USP24: variants seen among roughly 807,000 people sequenced by gnomAD.
USP24 encodes the protein ubiquitin carboxyl-terminal hydrolase 24.
USP24 carries 97 observed loss-of-function variants against 361.6 expected under a neutral mutation model. That is an observed-to-expected ratio of 0.27 (90% CI 0.23 to 0.32). The LOEUF (loss-of-function observed/expected upper bound fraction) is 0.32, where lower values mean the gene tolerates loss of function less well. Ranked by LOEUF, USP24 falls within the 10% of genes least tolerant of loss-of-function variation. The probability of loss-of-function intolerance (pLI) is 1.00; values close to 1 mark genes in which losing one functional copy is unlikely to be tolerated. For synonymous variants in USP24, 1,098 were observed against 1,124.6 expected, an observed-to-expected ratio of 0.98 and a Z score of 0.47; for missense variants, 2,353 against 3,165.6, an observed-to-expected ratio of 0.74 and a Z score of 6.16.
intron 31 of USP24, 151 bp downstream of exon 31, chr1:55,132,394 G>T: frequency 2.0e-6 from 2 of 1,017,670 alleles, no homozygotes; most frequent in Non-Finnish European, 2.7e-6. Context: ...AGGCAAAAAC[G>T]TTTCAATTTA....
chr1:55,205,633 G>A (rs1644685106), intron 1 of USP24, among the ~76,000 whole-genome samples: 1 of 152,062 alleles, frequency 6.6e-6, no homozygotes. Flanking sequence ...CATTAGCAAA[G>A]TTTTTGAATA....
intron 1 of USP24, among the ~76,000 whole-genome samples, chr1:55,180,310 T>A (rs1242041616): frequency 6.6e-6 from 1 of 152,154 alleles, no homozygotes; most frequent in African/African-American, 2.4e-5. Context: ...TACAGCTTCC[T>A]CCTGGTTCTC....
In USP24 at chr1:55,068,787, C is replaced by T. The variant is rs1644862803; in HGVS notation, c.*258G>A. The stretch of plus-strand genomic sequence containing the variant: ...CTGGCTCTATTTCCGAAAATCTCCA[C>T]AGAAATGTGAATCCACATATAGACC... On this transcript the variant is annotated 3_prime_UTR_variant, in exon 68 of 68. Transcript: ENST00000294383. 4.5e-6 allele frequency: 2 copies of T among 445,538 alleles called. No homozygotes were observed. The highest frequency in any genetic ancestry group is 7.9e-6 in the Non-Finnish European group (2 of 252,876). The allele number at this position is 445,538 out of a possible 1,614,324, so 27.6% of individuals were successfully genotyped here.
intron 1 of USP24, among the ~76,000 whole-genome samples, chr1:55,213,667 C>T (rs1353610405): frequency 6.6e-6 from 1 of 152,212 alleles, no homozygotes; most frequent in East Asian, 1.9e-4. Context: ...CCCAACGAAT[C>T]TGACCAAAAT....
chr1:55,136,582 T>C (rs1182110108), intron 28 of USP24, among the ~76,000 whole-genome samples: 1 of 152,124 alleles, frequency 6.6e-6, no homozygotes, highest in Non-Finnish European at 1.5e-5. Context: ...CCTAGACTGG[T>C]GTGCAAGCTG....
intron 39 of USP24, 125 bp from the exon 40 acceptor site, chr1:55,107,555 T>C: frequency 8.5e-7 from 1 of 1,173,766 alleles, no homozygotes; most frequent in Non-Finnish European, 1.1e-6. Context: ...TAAAAAACTA[T>C]CATTAAGGCC....
rs575965705 is a variant in USP24 at position 55,157,570 on chromosome 1, C to T, written c.1228-200G>A. Among the ~76,000 whole-genome samples the T allele has an allele frequency of 5.9e-4, 90 of 152,236 alleles. 1 individual carries two copies. Among genetic ancestry groups the T allele is most frequent in the African/African-American group, 2.0e-3 (84 of 41,542 alleles). ...ATGGAGGGCCAGGCACGGTGGCTCA[C>T]GCCTGTAATCCCAGCACATTGGGAG... On this transcript the variant is annotated intron_variant, in intron 10 of 67. Coordinates refer to ENST00000294383, the MANE Select transcript of USP24 (RefSeq NM_015306.3).
At chr1:55,213,841 T>G (rs1345655146) in intron 1 of USP24, among the ~76,000 whole-genome samples, 1 of 151,924 alleles carries the variant, frequency 6.6e-6, no homozygotes, top group East Asian at 1.9e-4. Flanking sequence ...AGACTTGAGG[T>G]CTCTGATCAA....
chr1:55,116,363 T>C (rs569704187), intron 38 of USP24, among the ~76,000 whole-genome samples: 2 of 142,374 alleles, frequency 1.4e-5, no homozygotes, highest in Non-Finnish European at 3.1e-5. Flanking sequence ...AAAAAAAAAA[T>C]CAATGAAACC....
chr1:55,081,271 C>T (rs1057414229), intron 59 of USP24, 51 bp downstream of exon 59: 9 of 1,557,286 alleles, frequency 5.8e-6, no homozygotes, highest in Non-Finnish European at 7.1e-6. Context: ...TAATTACTCT[C>T]CAAGCTAGAC....
chr1:55,115,452 C>A (rs1289666261), intron 38 of USP24, among the ~76,000 whole-genome samples: 2 of 133,970 alleles, frequency 1.5e-5, no homozygotes, highest in Admixed American at 1.7e-4. Flanking sequence ...GCCGAGATCC[C>A]GCCACTGCAC....
chr1:55,215,158 CG>C lies in USP24; in HGVS notation c.-46del. 1 of 1,207,570 alleles carries C rather than the reference CG, an allele frequency of 8.3e-7. No individual in the cohort carries two copies. The highest frequency in any genetic ancestry group is 3.4e-5 in the East Asian group (1 of 29,450). 74.8% of individuals were successfully genotyped at this position (1,207,570 alleles called of 1,614,324 possible). A position where few individuals can be genotyped will look rare whatever the true frequency, so the allele number is the denominator to read the frequency against. Reference sequence around the variant, plus strand: ...CCCCGGCCAGCGCACGGCGAAGCTACGGGTCCCGGGCCTGGCGGGCCGCGCG... The same window carrying C: ...CCCCGGCCAGCGCACGGCGAAGCTACGGTCCCGGGCCTGGCGGGCCGCGCG... On this transcript the variant is annotated 5_prime_UTR_variant, in exon 1 of 68. Coordinates refer to ENST00000294383, the MANE Select transcript of USP24 (RefSeq NM_015306.3).
At chr1:55,148,933 T>A (rs1293361015) in intron 16 of USP24, among the ~76,000 whole-genome samples, 1 of 152,186 alleles carries the variant, frequency 6.6e-6, no homozygotes, top group Non-Finnish European at 1.5e-5. Flanking sequence ...AAAGCTTAAC[T>A]TGGATAACAC....
chr1:55,136,900 A>G (rs1288701335), intron 28 of USP24, among the ~76,000 whole-genome samples: 1 of 152,170 alleles, frequency 6.6e-6, no homozygotes, highest in Admixed American at 6.5e-5. Context: ...TAAAAAGTGG[A>G]AGTTAGCAAT....
At chr1:55,142,926 A>G (rs1462651552) in intron 22 of USP24, 53 bp downstream of exon 22, 2 of 1,442,542 alleles carry the variant, frequency 1.4e-6, no homozygotes, top group African/African-American at 1.5e-5. Flanking sequence ...TAAAATATAC[A>G]TATAATTTTC....
chr1:55,076,179 T>C (rs1645028495), intron 62 of USP24, among the ~76,000 whole-genome samples: 1 of 152,260 alleles, frequency 6.6e-6, no homozygotes, highest in Non-Finnish European at 1.5e-5. Context: ...AAGAGGTTTA[T>C]GCTCTAACTT....
chr1:55,077,787 A>G (rs961754454), intron 61 of USP24, among the ~76,000 whole-genome samples: 1 of 152,256 alleles, frequency 6.6e-6, no homozygotes, highest in African/African-American at 2.4e-5. Context: ...AATAAAATTT[A>G]TATGTATAAA....
Position 55,076,836 on chromosome 1 carries a change from G to C in USP24, c.7380+399C>G, listed in dbSNP as rs188977598. Among the ~76,000 whole-genome samples the C allele has an allele frequency of 5.3e-5, 8 of 152,272 alleles. No individual in the cohort carries two copies. In the East Asian group the frequency reaches 1.4e-3, roughly 26 times the overall value. On this transcript the variant is annotated intron_variant, in intron 62 of 67. Transcript: ENST00000294383. ...TCATAGTACGTACATACAGTCAATA[G>C]TGTCTAAGATTTGATAAACTATAAA...
At chr1:55,160,458 A>T (rs1648156532) in intron 8 of USP24, among the ~76,000 whole-genome samples, 1 of 152,204 alleles carries the variant, frequency 6.6e-6, no homozygotes, top group Non-Finnish European at 1.5e-5. Context: ...AACTCTTGAG[A>T]CAGCTATTAC....
Sources: gnomAD v4.1 joint callset for allele counts (sites outside exome capture counted in the v4.1 genomes callset) on GRCh38, gnomAD v4.1.1 for gene constraint, MANE v1.5 for transcripts, NCBI Gene and HGNC (gene_info 2026-07-23, HGNC 2026-07-21) for gene names.